The following EYS variants were observed in gnomAD, a reference collection of about 807,000 sequenced individuals.
EYS encodes the protein protein eyes shut homolog.
A neutral mutation model predicts 282.1 loss-of-function variants in EYS; 250 were observed. The ratio of observed to expected loss-of-function variants is 0.89; its 90% confidence interval spans 0.80 to 0.98. EYS has a LOEUF of 0.98. EYS is among the 50% of genes least tolerant of loss of function. The pLI is 0.00. For missense variants in EYS, 4,016 were observed against 3,709.0 expected, an observed-to-expected ratio of 1.08 and a Z score of -2.15; for synonymous variants, 1,355 against 1,282.9, an observed-to-expected ratio of 1.06 and a Z score of -1.20.
chr6:64,686,532 G>C (rs557791158), intron 22 of EYS, among the ~76,000 whole-genome samples: 1 of 150,774 alleles, frequency 6.6e-6, no homozygotes, highest in Non-Finnish European at 1.5e-5. Context: ...ACGAGGTCAG[G>C]AGATCGAGAC....
chr6:64,994,833 A>C (rs1001878153), intron 14 of EYS, among the ~76,000 whole-genome samples: 11 of 152,102 alleles, frequency 7.2e-5, no homozygotes, highest in African/African-American at 2.7e-4. Context: ...CTATTTATTC[A>C]TACACAAAAA....
At chr6:65,613,538 T>G (rs1471135533) in intron 2 of EYS, among the ~76,000 whole-genome samples, 1 of 151,872 alleles carries the variant, frequency 6.6e-6, no homozygotes, top group Non-Finnish European at 1.5e-5. Flanking sequence ...ATTCTGTGTG[T>G]GAGCATTAGC....
intron 16 of EYS, 102 bp from the exon 17 acceptor site, chr6:64,902,602 A>G (rs1342331463): frequency 3.3e-6 from 2 of 610,516 alleles, no homozygotes; most frequent in Admixed American, 4.0e-5. Context: ...ATGGAGGTTA[A>G]AAAAGGAAAA....
chr6:65,522,506 T>C (rs533335052), intron 2 of EYS, among the ~76,000 whole-genome samples: 6 of 152,170 alleles, frequency 3.9e-5, no homozygotes, highest in African/African-American at 1.4e-4. Flanking sequence ...GGGGTGGAGA[T>C]GGGTTGTTTG....
chr6:65,080,542 A>G (rs1342346542), intron 12 of EYS, among the ~76,000 whole-genome samples: 1 of 152,100 alleles, frequency 6.6e-6, no homozygotes, highest in Non-Finnish European at 1.5e-5. Context: ...GATATTAGAT[A>G]TCATCATTTG....
chr6:64,974,441 GA>G (rs1161890303), intron 14 of EYS, among the ~76,000 whole-genome samples: 1 of 148,800 alleles, frequency 6.7e-6, no homozygotes, highest in Non-Finnish European at 1.5e-5. Flanking sequence ...CATAATTACT[GA>G]ATCAGACTAT....
At chr6:63,876,311 G>A (rs1293291087) in intron 35 of EYS, among the ~76,000 whole-genome samples, 3 of 152,132 alleles carry the variant, frequency 2.0e-5, no homozygotes, top group Non-Finnish European at 4.4e-5. Context: ...CTGTGTTCTG[G>A]TTTGATTGCA....
At chr6:65,460,276 G>A (rs1221678865) in intron 5 of EYS, among the ~76,000 whole-genome samples, 1 of 150,644 alleles carries the variant, frequency 6.6e-6, no homozygotes, top group Non-Finnish European at 1.5e-5. Context: ...TAAGAAATAG[G>A]CAAAAATTTC....
At chr6:64,061,589 G>A (rs1227044019) in intron 33 of EYS, among the ~76,000 whole-genome samples, 2 of 152,126 alleles carry the variant, frequency 1.3e-5, no homozygotes, top group African/African-American at 4.8e-5. Flanking sequence ...GATAGATTTA[G>A]TTGGAGGAAG....
chr6:64,249,615 G>T (rs765071832), intron 30 of EYS, among the ~76,000 whole-genome samples: 1 of 152,096 alleles, frequency 6.6e-6, no homozygotes, highest in Non-Finnish European at 1.5e-5. Context: ...CAACAAGAGA[G>T]AAATTTTTCC....
In EYS at chr6:65,050,628, T is replaced by C. The variant is rs1159935556; in HGVS notation, c.2137+6986A>G. Among the ~76,000 whole-genome samples the C allele has an allele frequency of 3.3e-5, 5 of 151,712 alleles. No homozygotes were observed. In the East Asian group the frequency reaches 7.8e-4, roughly 24 times the overall value. The stretch of plus-strand genomic sequence containing the variant: ...GTAGCCCAGCCAAAATATTTTATAC[T>C]CCAAGAATCTTTAGTATAGCTGTAG... On this transcript the variant is annotated intron_variant, in intron 13 of 42. Coordinates refer to ENST00000503581, the MANE Select transcript of EYS (RefSeq NM_001142800.2).
rs180768558 is a variant in EYS at position 64,687,414 on chromosome 6, G to T, written c.3444-61169C>A. 2.7e-3 allele frequency among the ~76,000 whole-genome samples: 417 copies of T among 152,282 alleles called. 2 individuals are homozygous for T. Among genetic ancestry groups the T allele is most frequent in the African/African-American group, 9.6e-3 (398 of 41,558 alleles). On this transcript the variant is annotated intron_variant, in intron 22 of 42. Transcript: ENST00000503581. ...CATGCATCAATACCTAATTCATTGA[G>T]AGTTTTTAGCATGAAGGGCTGTTGA...
chr6:64,427,018 G>A (rs1165658875), intron 28 of EYS, among the ~76,000 whole-genome samples: 2 of 151,926 alleles, frequency 1.3e-5, no homozygotes, highest in Non-Finnish European at 2.9e-5. Context: ...TTGTTTCTCA[G>A]CTTTTTGGCT....
At chr6:63,780,125 A>C (rs893447817) in intron 39 of EYS, among the ~76,000 whole-genome samples, 1 of 152,012 alleles carries the variant, frequency 6.6e-6, no homozygotes, top group African/African-American at 2.4e-5. Context: ...TATGTGCCAC[A>C]TTTTCTTAAT....
chr6:65,343,931 T>G, intron 10 of EYS, 107 bp downstream of exon 10: 1 of 944,906 alleles, frequency 1.1e-6, no homozygotes, highest in Non-Finnish European at 1.7e-6. Context: ...AAACTATATA[T>G]TTTGAATATT....
intron 36 of EYS, among the ~76,000 whole-genome samples, chr6:63,857,154 T>C (rs982365092): frequency 6.6e-6 from 1 of 152,174 alleles, no homozygotes; most frequent in Non-Finnish European, 1.5e-5. Flanking sequence ...GCATGTATCT[T>C]TAATTCTCAA....
chr6:63,722,943 G>T (rs1317497052), intron 42 of EYS, among the ~76,000 whole-genome samples: 1 of 152,166 alleles, frequency 6.6e-6, no homozygotes, highest in Non-Finnish European at 1.5e-5. Context: ...TGTGATATTT[G>T]GTTAACAGCT....
intron 26 of EYS, among the ~76,000 whole-genome samples, chr6:64,471,112 T>C (rs1328243708): frequency 6.6e-6 from 1 of 151,922 alleles, no homozygotes; most frequent in Non-Finnish European, 1.5e-5. Flanking sequence ...CACATAAGGG[T>C]AGGAGAGACT....
intron 31 of EYS, among the ~76,000 whole-genome samples, chr6:64,193,103 T>G (rs139156097): frequency 6.6e-6 from 1 of 152,352 alleles, no homozygotes; most frequent in Admixed American, 6.5e-5. Context: ...TGGTTTTTTG[T>G]AGAAATTTCT....
Sources: allele counts gnomAD v4.1 joint callset (sites outside exome capture counted in the v4.1 genomes callset), GRCh38; gene constraint gnomAD v4.1.1; transcripts MANE v1.5; gene names NCBI Gene and HGNC (gene_info 2026-07-23, HGNC 2026-07-21).